Variants in DCC observed in about 807,000 individuals in gnomAD.
DCC encodes DCC netrin 1 receptor, also known as netrin receptor DCC.
A neutral mutation model predicts 172.5 loss-of-function variants in DCC; 58 were observed. The ratio of observed to expected loss-of-function variants is 0.34; its 90% CI spans 0.27 to 0.42. The LOEUF (loss-of-function observed/expected upper bound fraction) is 0.42. Ranked by LOEUF, DCC falls within the 10% of genes least tolerant of loss-of-function variation. The probability of loss-of-function intolerance (pLI) is 1.00; values close to 1 mark genes in which losing one functional copy is unlikely to be tolerated. For synonymous variants in DCC, 709 were observed against 644.5 expected (o/e 1.10, Z -1.52); for missense variants, 1,740 against 1,791.0 (o/e 0.97, Z 0.51).
intron 1 of DCC, among the ~76,000 whole-genome samples, chr18:52,577,708 G>T (rs1164936031): frequency 6.6e-6 from 1 of 152,130 alleles, no homozygotes; most frequent in African/African-American, 2.4e-5. Flanking sequence ...AAAGAAAAAT[G>T]CAGGAAGATT....
At chr18:52,852,403 A>G (rs560829503) in intron 2 of DCC, among the ~76,000 whole-genome samples, 2 of 152,314 alleles carry the variant, frequency 1.3e-5, no homozygotes, top group South Asian at 4.1e-4. Flanking sequence ...TTTCTCTTTA[A>G]AAAACTGCAT....
intron 1 of DCC, among the ~76,000 whole-genome samples, chr18:52,613,223 T>C (rs566233475): frequency 6.6e-6 from 1 of 152,176 alleles, no homozygotes; most frequent in South Asian, 2.1e-4. Context: ...TTTTGTCTTG[T>C]TTTTGTTTGT....
rs560676988 is a variant in DCC at position 53,262,059 on chromosome 18, A to G, written c.1912-43519A>G. Among the ~76,000 whole-genome samples, 26 of 152,336 alleles carry G rather than the reference A, an allele frequency of 1.7e-4. No individual in the cohort carries two copies. The East Asian group carries it at 5.0e-3, about 29-fold the overall frequency. On this transcript the variant is annotated intron_variant, in intron 12 of 28. Transcript: ENST00000442544. The stretch of plus-strand genomic sequence containing the variant: ...AATAACAGAAAAGTTGTTTTATCTA[A>G]GAGCAAGATCTATAGTAAGTTTCTG...
chr18:52,448,251 T>A (rs569801199), intron 1 of DCC, among the ~76,000 whole-genome samples: 17 of 152,294 alleles, frequency 1.1e-4, no homozygotes, highest in African/African-American at 4.1e-4. Context: ...CCTGACAATA[T>A]GAGGTGAAAC....
chr18:52,927,175 ATG>A (rs774769605), intron 5 of DCC, among the ~76,000 whole-genome samples: 1 of 140,984 alleles, frequency 7.1e-6, no homozygotes, highest in African/African-American at 2.6e-5. Flanking sequence ...ATGTGTATAT[ATG>A]TGTATATATA....
chr18:52,990,900 T>C (rs921348274), intron 5 of DCC, among the ~76,000 whole-genome samples: 4 of 151,426 alleles, frequency 2.6e-5, no homozygotes, highest in Non-Finnish European at 4.4e-5. Flanking sequence ...CAGTGTGCCA[T>C]GCATGAGCCA....
chr18:52,524,309 T>C (rs576530072), intron 1 of DCC, among the ~76,000 whole-genome samples: 70 of 152,356 alleles, frequency 4.6e-4, no homozygotes, highest in Non-Finnish European at 4.7e-4. Context: ...ATAAACCTTC[T>C]TTTGAAAAGC....
chr18:52,509,141 T>A (rs1237576605), intron 1 of DCC, among the ~76,000 whole-genome samples: 1 of 152,226 alleles, frequency 6.6e-6, no homozygotes, highest in African/African-American at 2.4e-5. Flanking sequence ...ATAAAATATT[T>A]CCAATGAAAA....
At chr18:53,429,069 A>G (rs1442532618) in intron 21 of DCC, among the ~76,000 whole-genome samples, 1 of 49,046 alleles carries the variant, frequency 2.0e-5, no homozygotes, top group African/African-American at 4.7e-5. Context: ...TATTTTATAT[A>G]TAATATATAT....
At chr18:53,490,754 A>C (rs775542603) in intron 26 of DCC, among the ~76,000 whole-genome samples, 1 of 152,310 alleles carries the variant, frequency 6.6e-6, no homozygotes, top group Non-Finnish European at 1.5e-5. Flanking sequence ...TGCTCATCTG[A>C]AATGAGAGTA....
intron 5 of DCC, among the ~76,000 whole-genome samples, chr18:52,972,917 G>T (rs2041052943): frequency 6.6e-6 from 1 of 152,168 alleles, no homozygotes; most frequent in South Asian, 2.1e-4. Context: ...TTTTATGGGG[G>T]TGCACTGAGC....
intron 27 of DCC, among the ~76,000 whole-genome samples, chr18:53,512,686 C>T (rs1331701745): frequency 1.3e-5 from 2 of 151,742 alleles, no homozygotes; most frequent in East Asian, 1.9e-4. Context: ...GGAGCCGATG[C>T]AATCAACTGG....
chr18:53,171,010 G>C (rs1293193635), intron 8 of DCC, among the ~76,000 whole-genome samples: 1 of 152,094 alleles, frequency 6.6e-6, no homozygotes, highest in African/African-American at 2.4e-5. Context: ...TCAGCCACTA[G>C]AGTAGCTAGA....
At chr18:52,963,135 T>C (rs2040871297) in intron 5 of DCC, among the ~76,000 whole-genome samples, 1 of 151,740 alleles carries the variant, frequency 6.6e-6, no homozygotes, top group East Asian at 1.9e-4. Context: ...AAAAAGTGAA[T>C]TAAGACTCCA....
chr18:53,309,329 G>T (rs1050256103), intron 13 of DCC, among the ~76,000 whole-genome samples: 1 of 152,098 alleles, frequency 6.6e-6, no homozygotes, highest in Admixed American at 6.5e-5. Flanking sequence ...ATAAGACACT[G>T]TGCCTGGCCT....
chr18:52,977,839 C>G (rs1376070374), intron 5 of DCC, among the ~76,000 whole-genome samples: 2 of 149,128 alleles, frequency 1.3e-5, no homozygotes, highest in African/African-American at 5.0e-5. Context: ...GAGCCAAGAT[C>G]ACACCACTGC....
At chr18:52,683,749 T>A (rs2035786359) in intron 1 of DCC, among the ~76,000 whole-genome samples, 1 of 152,062 alleles carries the variant, frequency 6.6e-6, no homozygotes, top group Non-Finnish European at 1.5e-5. Flanking sequence ...TCCCAGTACC[T>A]TCCTTTGCAT....
At chr18:53,142,366 G>T (rs1158256114) in intron 7 of DCC, among the ~76,000 whole-genome samples, 1 of 152,146 alleles carries the variant, frequency 6.6e-6, no homozygotes, top group Non-Finnish European at 1.5e-5. Flanking sequence ...CACACTGGCT[G>T]ATAGATGTTA....
At chr18:53,374,856 A>G (rs982646163) in intron 15 of DCC, among the ~76,000 whole-genome samples, 4 of 152,208 alleles carry the variant, frequency 2.6e-5, no homozygotes, top group Non-Finnish European at 4.4e-5. Context: ...TAAAAATGCA[A>G]TCTGCACTCT....
Sources: allele counts gnomAD v4.1 joint callset (sites outside exome capture counted in the v4.1 genomes callset), GRCh38; gene constraint gnomAD v4.1.1; transcripts MANE v1.5; gene names NCBI Gene and HGNC (gene_info 2026-07-23, HGNC 2026-07-21).